The following ADAMTS6 variants were observed in gnomAD, a reference collection of about 807,000 sequenced individuals.
The protein encoded by ADAMTS6 is ADAM metallopeptidase with thrombospondin type 1 motif 6, also known as A disintegrin and metalloproteinase with thrombospondin motifs 6.
ADAMTS6 carries 23 observed loss-of-function variants against 144.3 expected under a neutral mutation model. The observed-to-expected ratio is 0.16, with a 90% CI of 0.11 to 0.23. The LOEUF (loss-of-function observed/expected upper bound fraction) is 0.23, where lower values mean the gene tolerates loss of function less well. Ranked by LOEUF, ADAMTS6 falls within the 10% of genes least tolerant of loss-of-function variation. The pLI, the probability that ADAMTS6 is intolerant of heterozygous loss-of-function variation, is 1.00. For missense variants in ADAMTS6, 999 were observed against 1,379.6 expected (o/e 0.72, Z 4.37); for synonymous variants, 444 against 457.5 (o/e 0.97, Z 0.38).
chr5:65,349,056 G>T (rs1318348368), intron 7 of ADAMTS6, among the ~76,000 whole-genome samples: 2 of 151,904 alleles, frequency 1.3e-5, no homozygotes, highest in Admixed American at 6.6e-5. Flanking sequence ...ACAGCTCTTT[G>T]CCTTAAAATA....
chr5:65,347,515 G>A (rs1393446461), intron 7 of ADAMTS6, among the ~76,000 whole-genome samples: 1 of 151,874 alleles, frequency 6.6e-6, no homozygotes, highest in Non-Finnish European at 1.5e-5. Context: ...AAGGATTAAA[G>A]GCTTAAACAT....
chr5:65,189,369 G>GT (rs2112182373), intron 21 of ADAMTS6, among the ~76,000 whole-genome samples: 1 of 152,250 alleles, frequency 6.6e-6, no homozygotes, highest in East Asian at 1.9e-4. Flanking sequence ...GGAGCAAAAG[G>GT]GACCCTTTCC....
At chr5:65,449,825 T>G (rs1046942026) in intron 7 of ADAMTS6, among the ~76,000 whole-genome samples, 3 of 152,164 alleles carry the variant, frequency 2.0e-5, no homozygotes, top group African/African-American at 4.8e-5. Context: ...ATTGCCCAGA[T>G]GTACTCTACT....
At chr5:65,476,904 C>T (rs1482207255) in intron 1 of ADAMTS6, among the ~76,000 whole-genome samples, 2 of 152,144 alleles carry the variant, frequency 1.3e-5, no homozygotes, top group East Asian at 3.8e-4. Flanking sequence ...TGAGCCACTG[C>T]GCCCAGTCGA....
intron 16 of ADAMTS6, among the ~76,000 whole-genome samples, chr5:65,225,260 C>G (rs1271095848): frequency 6.6e-6 from 1 of 151,940 alleles, no homozygotes; most frequent in Non-Finnish European, 1.5e-5. Flanking sequence ...AATAAACTAC[C>G]CCTTGCCCAC....
intron 7 of ADAMTS6, among the ~76,000 whole-genome samples, chr5:65,361,240 T>C (rs551385760): frequency 4.6e-5 from 7 of 152,308 alleles, no homozygotes; most frequent in Middle Eastern, 3.4e-3. Context: ...TGAGTTTTGT[T>C]TGGATTCTAA....
intron 14 of ADAMTS6, among the ~76,000 whole-genome samples, chr5:65,254,480 A>T (rs990052866): frequency 1.3e-5 from 2 of 152,216 alleles, no homozygotes; most frequent in Non-Finnish European, 2.9e-5. Flanking sequence ...TCTTTTTAAA[A>T]ACTTGAAAAA....
At chr5:65,168,943 C>A (rs931393305) in intron 24 of ADAMTS6, among the ~76,000 whole-genome samples, 7 of 145,250 alleles carry the variant, frequency 4.8e-5, no homozygotes, top group African/African-American at 1.8e-4. Context: ...TAGAAGAAAA[C>A]CTAGGCGTTA....
chr5:65,239,263 T>TA (rs397884878), intron 15 of ADAMTS6, among the ~76,000 whole-genome samples: 42,474 of 142,682 alleles, frequency 0.3, 6,281 homozygotes, highest in Admixed American at 0.38. Context: ...ACTTAATGTA[T>TA]AAAAAAAAAA....
intron 14 of ADAMTS6, among the ~76,000 whole-genome samples, chr5:65,244,307 A>G (rs1029921884): frequency 2.0e-5 from 3 of 152,154 alleles, no homozygotes; most frequent in Non-Finnish European, 2.9e-5. Context: ...GATATTTCAC[A>G]TGCATAAGCA....
chr5:65,318,621 C>T (rs1220584018), intron 9 of ADAMTS6, among the ~76,000 whole-genome samples: 1 of 152,018 alleles, frequency 6.6e-6, no homozygotes, highest in Non-Finnish European at 1.5e-5. Flanking sequence ...GCGAAATAAG[C>T]CAGGCACAGA....
chr5:65,417,205 A>G (rs147570711), intron 7 of ADAMTS6, among the ~76,000 whole-genome samples: 4 of 152,306 alleles, frequency 2.6e-5, no homozygotes, highest in African/African-American at 9.6e-5. Context: ...CCTTCAGAAA[A>G]CTAGGCATTG....
At position 65,210,471 on chromosome 5, in the gene ADAMTS6, G is replaced by C. The variant is rs1013697995; in HGVS notation, c.2575+4323C>G. The C allele has an allele frequency of 9.4e-4, 147 of 157,202 alleles. 1 individual carries two copies. Among genetic ancestry groups the C allele is most frequent in the African/African-American group, 4.3e-3 (143 of 33,478 alleles). The allele number at this position is 157,202 out of a possible 1,614,324, so 9.7% of individuals were successfully genotyped here. A position where few individuals can be genotyped will look rare whatever the true frequency, so the allele number is the denominator to read the frequency against. ...GTCTCAAAAAAAAAAAAAAAAAAAA[G>C]ATCTATGAAGGCCAAGCGGAGTTGA... On this transcript the variant is annotated intron_variant, in intron 20 of 24. Transcript: ENST00000381055.
chr5:65,225,273 A>G lies in ADAMTS6; in HGVS notation c.2068-226T>C, dbSNP rs545146558. Among the ~76,000 whole-genome samples the G allele has an allele frequency of 4.6e-5, 7 of 152,348 alleles. No individual in the cohort carries two copies. The East Asian group carries it at 1.4e-3, about 29-fold the overall frequency. On this transcript the variant is annotated intron_variant, in intron 16 of 24. Coordinates refer to ENST00000381055, the MANE Select transcript of ADAMTS6 (RefSeq NM_197941.4). The stretch of plus-strand genomic sequence containing the variant: ...AAAATAAACTACCCCTTGCCCACAG[A>G]TACATAAACACACACAAATATCATA...
intron 7 of ADAMTS6, among the ~76,000 whole-genome samples, chr5:65,418,402 A>T (rs1755723641): frequency 1.3e-5 from 2 of 150,076 alleles, no homozygotes; most frequent in Non-Finnish European, 2.9e-5. Flanking sequence ...TCAAACAAAC[A>T]GCAAAAAAAA....
intron 7 of ADAMTS6, among the ~76,000 whole-genome samples, chr5:65,347,113 C>T (rs1039088317): frequency 1.3e-5 from 2 of 151,772 alleles, no homozygotes; most frequent in South Asian, 2.1e-4. Context: ...AGAGAGTGTC[C>T]GCACTTTCCA....
chr5:65,452,619 A>G, intron 5 of ADAMTS6, 88 bp downstream of exon 5: 1 of 1,406,032 alleles, frequency 7.1e-7, no homozygotes, highest in East Asian at 2.4e-5. Flanking sequence ...AATTCTTATC[A>G]TTATTTACTT....
chr5:65,403,786 A>T (rs1368462246), intron 7 of ADAMTS6, among the ~76,000 whole-genome samples: 2 of 151,894 alleles, frequency 1.3e-5, no homozygotes, highest in Non-Finnish European at 2.9e-5. Flanking sequence ...AACTCTCTAG[A>T]CTCCATTATC....
chr5:65,468,194 A>G (rs1210491307), intron 3 of ADAMTS6, among the ~76,000 whole-genome samples: 2 of 152,174 alleles, frequency 1.3e-5, no homozygotes, highest in African/African-American at 2.4e-5. Context: ...CACTAAAACT[A>G]TGGGTGAGGA....
Sources: allele counts gnomAD v4.1 joint callset (sites outside exome capture counted in the v4.1 genomes callset), GRCh38; gene constraint gnomAD v4.1.1; transcripts MANE v1.5; gene names NCBI Gene and HGNC (gene_info 2026-07-23, HGNC 2026-07-21).